The following DNAJC1 variants were observed in gnomAD, a reference collection of about 807,000 sequenced individuals.
DNAJC1 encodes the protein DnaJ heat shock protein family (Hsp40) member C1.
DNAJC1 carries 58 observed loss-of-function variants against 76.6 expected under a neutral mutation model. The observed-to-expected ratio is 0.76, with a 90% CI of 0.61 to 0.94. The LOEUF (loss-of-function observed/expected upper bound fraction) is 0.94, where lower values mean the gene tolerates loss of function less well. Among genes scored for constraint, DNAJC1 ranks in the 40% least tolerant of loss-of-function variants. The pLI is 0.00. For synonymous variants in DNAJC1, 258 were observed against 267.9 expected (o/e 0.96, Z 0.36); for missense variants, 689 against 677.3 (o/e 1.02, Z -0.19).
At chr10:21,788,117 T>C (rs1301580153) in intron 9 of DNAJC1, among the ~76,000 whole-genome samples, 1 of 152,202 alleles carries the variant, frequency 6.6e-6, no homozygotes. Flanking sequence ...TCCCATTGCC[T>C]TGGGCTGGAG....
chr10:21,807,789 T>C (rs961374403), intron 8 of DNAJC1, among the ~76,000 whole-genome samples: 2 of 152,180 alleles, frequency 1.3e-5, no homozygotes, highest in Non-Finnish European at 2.9e-5. Context: ...GTAGCCCACA[T>C]TGGGTCTGGT....
At chr10:21,899,046 G>A (rs1442268437) in intron 7 of DNAJC1, among the ~76,000 whole-genome samples, 3 of 152,086 alleles carry the variant, frequency 2.0e-5, no homozygotes, top group Admixed American at 2.0e-4. Flanking sequence ...TGAAGCTAAA[G>A]GAACCCCCAA....
chr10:21,890,182 G>A (rs1357028637), intron 7 of DNAJC1, among the ~76,000 whole-genome samples: 1 of 151,882 alleles, frequency 6.6e-6, no homozygotes, highest in African/African-American at 2.4e-5. Context: ...GAGGCTGGGG[G>A]GGGGTGGATG....
At chr10:21,830,590 A>G (rs2131667606) in intron 8 of DNAJC1, among the ~76,000 whole-genome samples, 1 of 152,282 alleles carries the variant, frequency 6.6e-6, no homozygotes, top group African/African-American at 2.4e-5. Flanking sequence ...CCTGTTCAGT[A>G]TACTATGTAC....
At chr10:21,920,663 A>T in intron 4 of DNAJC1, 135 bp downstream of exon 4, 1 of 695,068 alleles carries the variant, frequency 1.4e-6, no homozygotes, top group Admixed American at 3.9e-5. Context: ...AAATATGTCA[A>T]ACATTGAGTA....
chr10:21,887,331 T>A (rs1836382512), intron 7 of DNAJC1, among the ~76,000 whole-genome samples: 1 of 152,144 alleles, frequency 6.6e-6, no homozygotes, highest in South Asian at 2.1e-4. Context: ...ATTTACAGAT[T>A]CAATGCTATT....
intron 9 of DNAJC1, among the ~76,000 whole-genome samples, chr10:21,766,984 A>C (rs978609602): frequency 2.0e-5 from 3 of 152,024 alleles, no homozygotes; most frequent in South Asian, 2.1e-4. Flanking sequence ...AAAAAAAAAA[A>C]AAAAAAGATA....
chr10:21,876,701 A>G (rs959436189), intron 8 of DNAJC1, among the ~76,000 whole-genome samples: 1 of 152,244 alleles, frequency 6.6e-6, no homozygotes, highest in African/African-American at 2.4e-5. Context: ...ATGAACAAGT[A>G]GATAAATGGA....
In DNAJC1 at chr10:21,786,463, T is replaced by TAGAGAGAG. The variant is rs1159399044; in HGVS notation, c.1098+19509_1098+19516dup. 9.0e-4 allele frequency among the ~76,000 whole-genome samples: 21 copies of TAGAGAGAG among 23,420 alleles called. 2 individuals are homozygous for TAGAGAGAG. The highest frequency in any genetic ancestry group is 7.1e-3 in the South Asian group (2 of 282). The allele number at this position is 23,420 out of a possible 152,430, so 15.4% of individuals were successfully genotyped here. On this transcript the variant is annotated intron_variant, in intron 9 of 11. Coordinates refer to ENST00000376980, the MANE Select transcript of DNAJC1 (RefSeq NM_022365.4). ...ATATATATATATATATATATATATA[T>TAGAGAGAG]AGAGAGAGAGAGAGAGAGAGAGAGA...
chr10:22,001,468 T>G (rs1191933504), intron 1 of DNAJC1, among the ~76,000 whole-genome samples: 1 of 152,202 alleles, frequency 6.6e-6, no homozygotes, highest in East Asian at 1.9e-4. Context: ...TTAAAACAAT[T>G]TTCTGGATCC....
intron 8 of DNAJC1, among the ~76,000 whole-genome samples, chr10:21,841,264 A>T (rs1178615243): frequency 2.0e-5 from 3 of 152,216 alleles, no homozygotes; most frequent in Non-Finnish European, 4.4e-5. Flanking sequence ...GGATCTAATT[A>T]AACCTAAGAG....
intron 1 of DNAJC1, among the ~76,000 whole-genome samples, chr10:21,966,687 C>CTT (rs111881136): frequency 7.7e-6 from 1 of 129,972 alleles, no homozygotes; most frequent in Non-Finnish European, 1.6e-5. Context: ...TCTTCTTCTT[C>CTT]TTTTTTTTTT....
chr10:21,982,834 G>T (rs1838178596), intron 1 of DNAJC1, among the ~76,000 whole-genome samples: 1 of 152,136 alleles, frequency 6.6e-6, no homozygotes, highest in Non-Finnish European at 1.5e-5. Flanking sequence ...CAATTTGGTG[G>T]TTCCTCAAAA....
intron 8 of DNAJC1, among the ~76,000 whole-genome samples, chr10:21,819,433 G>A (rs1354758883): frequency 6.6e-6 from 1 of 151,936 alleles, no homozygotes; most frequent in Non-Finnish European, 1.5e-5. Context: ...ACATGCAGTA[G>A]TCTACTAGCT....
At chr10:21,829,483 T>G (rs1835320301) in intron 8 of DNAJC1, among the ~76,000 whole-genome samples, 1 of 152,240 alleles carries the variant, frequency 6.6e-6, no homozygotes, top group African/African-American at 2.4e-5. Context: ...CCCAAAGTGC[T>G]GGGATTACAG....
intron 1 of DNAJC1, among the ~76,000 whole-genome samples, chr10:21,975,001 T>C (rs113879902): frequency 6.6e-6 from 1 of 152,092 alleles, no homozygotes; most frequent in East Asian, 1.9e-4. Flanking sequence ...TATGAATATA[T>C]ATACACAGAT....
chr10:21,938,722 T>C (rs1476053003), intron 1 of DNAJC1, among the ~76,000 whole-genome samples: 1 of 152,208 alleles, frequency 6.6e-6, no homozygotes, highest in Non-Finnish European at 1.5e-5. Flanking sequence ...GGATTGACAA[T>C]AATCTAAAAC....
intron 1 of DNAJC1, among the ~76,000 whole-genome samples, chr10:21,956,394 T>A (rs535797858): frequency 1.6e-4 from 24 of 151,960 alleles, no homozygotes; most frequent in Non-Finnish European, 3.2e-4. Context: ...CATCATACTA[T>A]CATGACAAAA....
rs3051926 is a variant in DNAJC1 at position 21,956,819 on chromosome 10, A to AACAC, written c.223-27682_223-27679dup. ...TAAAAGCCTCCAACAGTTTATACAT[A>AACAC]ACACACACACACACACACACACACA... On this transcript the variant is annotated intron_variant, in intron 1 of 11. Coordinates refer to ENST00000376980, the MANE Select transcript of DNAJC1 (RefSeq NM_022365.4). Among the ~76,000 whole-genome samples the AACAC allele has an allele frequency of 5.4e-3, 773 of 142,140 alleles. 4 individuals are homozygous for AACAC. The highest frequency in any genetic ancestry group is 0.016 in the African/African-American group (614 of 38,316). 93.2% of individuals were successfully genotyped at this position (142,140 alleles called of 152,430 possible). A position where few individuals can be genotyped will look rare whatever the true frequency, so the allele number is the denominator to read the frequency against.
Sources: gnomAD v4.1 joint callset for allele counts (sites outside exome capture counted in the v4.1 genomes callset) on GRCh38, gnomAD v4.1.1 for gene constraint, MANE v1.5 for transcripts, NCBI Gene and HGNC (gene_info 2026-07-23, HGNC 2026-07-21) for gene names.